EYA2: variants seen among roughly 807,000 people sequenced by gnomAD.
EYA2 encodes EYA transcriptional coactivator and phosphatase 2, also known as protein phosphatase EYA2.
Under a neutral mutation model 69.2 loss-of-function variants are expected in EYA2, and 31 were observed. The ratio of observed to expected loss-of-function variants is 0.45; its 90% CI spans 0.34 to 0.60. EYA2 has a LOEUF of 0.60. EYA2 is among the 20% of genes least tolerant of loss of function. EYA2 has a pLI of 0.02. For missense variants in EYA2, 622 were observed against 701.2 expected (o/e 0.89, Z 1.28); for synonymous variants, 257 against 279.4 (o/e 0.92, Z 0.80).
chr20:46,896,880 A>G (rs558655961), intron 1 of EYA2, among the ~76,000 whole-genome samples: 1 of 152,292 alleles, frequency 6.6e-6, no homozygotes, highest in Non-Finnish European at 1.5e-5. Flanking sequence ...TTCTGTCTTA[A>G]AATAGCTCAC....
rs577249130 is a variant in EYA2 at position 47,187,766 on chromosome 20, G to A, written c.1537-287G>A. 1.6e-4 allele frequency among the ~76,000 whole-genome samples: 24 copies of A among 152,330 alleles called. No homozygotes were observed. In the Middle Eastern group the frequency reaches 0.01, roughly 65 times the overall value. On this transcript the variant is annotated intron_variant, in intron 15 of 15. Coordinates refer to ENST00000327619, the MANE Select transcript of EYA2 (RefSeq NM_005244.5). ...CAATTTAACACCATGTCAGTGCACC[G>A]CCTAAGACCACGCTGGTACCAACAG...
intron 12 of EYA2, among the ~76,000 whole-genome samples, chr20:47,175,372 T>A (rs1010706458): frequency 5.9e-5 from 9 of 152,218 alleles, no homozygotes; most frequent in African/African-American, 2.2e-4. Context: ...CTTAGCCTGA[T>A]GTCATCCTTC....
intron 1 of EYA2, among the ~76,000 whole-genome samples, chr20:46,943,671 A>G (rs1986247663): frequency 6.6e-6 from 1 of 152,218 alleles, no homozygotes; most frequent in Non-Finnish European, 1.5e-5. Flanking sequence ...TTCAAGCACG[A>G]CATATACCCA....
intron 9 of EYA2, among the ~76,000 whole-genome samples, chr20:47,134,239 C>T (rs1328157055): frequency 6.6e-6 from 1 of 152,180 alleles, no homozygotes. Flanking sequence ...CCCAGTCATG[C>T]AGCTGAGCCA....
At chr20:47,061,040 G>A (rs1450775934) in intron 5 of EYA2, among the ~76,000 whole-genome samples, 4 of 151,966 alleles carry the variant, frequency 2.6e-5, no homozygotes, top group African/African-American at 9.7e-5. Flanking sequence ...TTTTAGTAGA[G>A]ATGGGGTTTT....
At chr20:47,062,745 G>T in intron 5 of EYA2, among the ~76,000 whole-genome samples, 1 of 152,128 alleles carries the variant, frequency 6.6e-6, no homozygotes, top group Non-Finnish European at 1.5e-5. Flanking sequence ...AATCTCAGCA[G>T]CCTGGTTAAC....
At chr20:46,935,803 C>T (rs6018192) in intron 1 of EYA2, among the ~76,000 whole-genome samples, 9,474 of 151,482 alleles carry the variant, frequency 0.063, 914 homozygotes, top group African/African-American at 0.21. Context: ...TGCAATAGTT[C>T]GTTATATTAA....
rs118112685 is a variant in EYA2 at position 46,996,439 on chromosome 20, G to A, written c.110-4989G>A. Among the ~76,000 whole-genome samples the A allele has an allele frequency of 1.8e-4, 27 of 152,316 alleles. 2 individuals are homozygous for A. Among genetic ancestry groups the A allele is most frequent in the Middle Eastern group, 3.4e-3 (1 of 294 alleles). ...AAAGTGTGGTTTGTGAACCTGCAGC[G>A]TCAGCATCACCTGGAGGCTTCCTTG... On this transcript the variant is annotated intron_variant, in intron 2 of 15. Coordinates refer to ENST00000327619, the MANE Select transcript of EYA2 (RefSeq NM_005244.5).
intron 3 of EYA2, among the ~76,000 whole-genome samples, chr20:47,002,583 C>T (rs1386329467): frequency 1.3e-5 from 2 of 152,328 alleles, no homozygotes; most frequent in East Asian, 3.9e-4. Context: ...ATCTGTACCA[C>T]AATTTCTTTA....
intron 5 of EYA2, among the ~76,000 whole-genome samples, chr20:47,070,614 A>G (rs74874059): frequency 0.019 from 2,865 of 152,352 alleles, 95 homozygotes; most frequent in African/African-American, 0.064. Context: ...CATTATCCAT[A>G]ATAGCCCAAT....
chr20:47,082,440 AAAC>A (rs10610180), intron 7 of EYA2, among the ~76,000 whole-genome samples: 41,864 of 151,774 alleles, frequency 0.28, 6,997 homozygotes, highest in Non-Finnish European at 0.36. Flanking sequence ...AAAAATCAAC[AAAC>A]AACAGGAAAT....
chr20:47,117,946 A>G (rs917347638), intron 9 of EYA2, among the ~76,000 whole-genome samples: 1 of 152,190 alleles, frequency 6.6e-6, no homozygotes, highest in African/African-American at 2.4e-5. Context: ...TCCTGAGCTC[A>G]GCTGTGTTTA....
chr20:46,987,964 C>CTCTCTCTCTATATATATATA (rs1555809797), intron 1 of EYA2, among the ~76,000 whole-genome samples: 1 of 11,276 alleles, frequency 8.9e-5, no homozygotes, highest in African/African-American at 2.8e-4. Flanking sequence ...CTCTCTCTCT[C>CTCTCTCTCTATATATATATA]TATATATATA....
intron 7 of EYA2, among the ~76,000 whole-genome samples, chr20:47,087,411 G>A (rs551678876): frequency 4.6e-5 from 7 of 152,202 alleles, no homozygotes; most frequent in Non-Finnish European, 8.8e-5. Context: ...GAAGGTTCAC[G>A]CTGTTTTACA....
intron 1 of EYA2, among the ~76,000 whole-genome samples, chr20:46,963,770 G>A (rs1388399619): frequency 6.6e-6 from 1 of 152,280 alleles, no homozygotes; most frequent in Non-Finnish European, 1.5e-5. Context: ...CCTCCCTGAG[G>A]AGGTAGCCTT....
Position 47,059,439 on chromosome 20 carries a change from C to G in EYA2, c.416-12746C>G, listed in dbSNP as rs569503493. 1.6e-4 allele frequency among the ~76,000 whole-genome samples: 25 copies of G among 152,344 alleles called. 1 individual carries two copies. The highest frequency in any genetic ancestry group is 1.0e-3 in the Admixed American group (16 of 15,310). On this transcript the variant is annotated intron_variant, in intron 5 of 15. Coordinates refer to ENST00000327619, the MANE Select transcript of EYA2 (RefSeq NM_005244.5). ...GCATGATCTTGGCTCACTGCAACTT[C>G]TGCCTCCTGGGTTCAATTCTCCTGC...
At chr20:47,076,388 A>G (rs551428294) in intron 7 of EYA2, among the ~76,000 whole-genome samples, 54 of 152,174 alleles carry the variant, frequency 3.5e-4, no homozygotes, top group Non-Finnish European at 6.6e-4. Context: ...TGACTTTTTA[A>G]TAATGGCCAT....
intron 1 of EYA2, among the ~76,000 whole-genome samples, chr20:46,987,941 T>A (rs1222679171): frequency 2.5e-5 from 1 of 40,290 alleles, no homozygotes; most frequent in Non-Finnish European, 4.5e-5. Context: ...TCTCTCTCTC[T>A]CTCTCTCTCT....
chr20:47,141,886 G>A (rs966085494), intron 9 of EYA2, among the ~76,000 whole-genome samples: 1 of 152,150 alleles, frequency 6.6e-6, no homozygotes, highest in African/African-American at 2.4e-5. Context: ...CCTTCTTGTA[G>A]CACATACAAG....
Sources: allele counts gnomAD v4.1 joint callset (sites outside exome capture counted in the v4.1 genomes callset), GRCh38; gene constraint gnomAD v4.1.1; transcripts MANE v1.5; gene names NCBI Gene and HGNC (gene_info 2026-07-23, HGNC 2026-07-21).